The following SCP2 variants were observed in gnomAD, a reference collection of about 807,000 sequenced individuals.
The protein encoded by SCP2 is SCP-2/3-oxoacyl-CoA thiolase.
In SCP2, 48 loss-of-function variants were observed where a neutral mutation model predicts 71.4. That is an observed-to-expected ratio of 0.67 (90% CI 0.53 to 0.86). The LOEUF (loss-of-function observed/expected upper bound fraction) is 0.86, where lower values mean the gene tolerates loss of function less well. Ranked by LOEUF, SCP2 falls within the 40% of genes least tolerant of loss-of-function variation. The probability of loss-of-function intolerance (pLI) is 0.00; values close to 1 mark genes in which losing one functional copy is unlikely to be tolerated. For missense variants in SCP2, 560 were observed against 655.6 expected, an observed-to-expected ratio of 0.85 and a Z score of 1.59; for synonymous variants, 220 against 218.1, an observed-to-expected ratio of 1.01 and a Z score of -0.08.
In SCP2 at chr1:52,978,348, A is replaced by C; in HGVS notation, c.806A>C (p.Glu269Ala). The C allele has an allele frequency of 6.2e-7, 1 of 1,613,882 alleles. No homozygotes were observed. The highest frequency in any genetic ancestry group is 1.3e-5 in the African/African-American group (1 of 75,056). Residue 269 changes from glutamate to alanine, a missense_variant, in exon 9 of 16, where the codon GAA (glutamate) becomes GCA (alanine). Coordinates refer to ENST00000371514, the MANE Select transcript of SCP2 (RefSeq NM_002979.5). ...ACTGATTTGCCAAGCTCGTTTGAAG[A>C]AAAAAGCATTATTAAAATGGTATGT... Reference protein sequence around the residue: ...MMTDLPSSFEEKSIIKMVGFD... With the variant: ...MMTDLPSSFEAKSIIKMVGFD...
chr1:52,963,868 A>G (rs1034172309), intron 6 of SCP2: 1 of 152,128 alleles, frequency 6.6e-6, no homozygotes, highest in South Asian at 2.1e-4. Context: ...ATATAGCTAT[A>G]TTTAATTTTA....
At chr1:53,036,538 TATA>T (rs1403696720) in intron 13 of SCP2, among the ~76,000 whole-genome samples, 1 of 148,884 alleles carries the variant, frequency 6.7e-6, no homozygotes, top group Non-Finnish European at 1.5e-5. Context: ...TGAATATATA[TATA>T]ATAATATATA....
chr1:52,937,159 A>G (rs1428726502), intron 1 of SCP2, among the ~76,000 whole-genome samples: 1 of 152,126 alleles, frequency 6.6e-6, no homozygotes, highest in African/African-American at 2.4e-5. Context: ...CTTATAGGAG[A>G]TTATGATATG....
At chr1:52,953,530 G>A (rs1234426374) in intron 4 of SCP2, among the ~76,000 whole-genome samples, 1 of 151,984 alleles carries the variant, frequency 6.6e-6, no homozygotes, top group Non-Finnish European at 1.5e-5. Flanking sequence ...ATATTTTGTA[G>A]AGATGGGGTC....
At chr1:53,009,751 G>A in intron 11 of SCP2, among the ~76,000 whole-genome samples, 1 of 152,118 alleles carries the variant, frequency 6.6e-6, no homozygotes, top group Non-Finnish European at 1.5e-5. Flanking sequence ...CAAAAGCAAT[G>A]GCAACAAAAG....
intron 14 of SCP2, among the ~76,000 whole-genome samples, chr1:53,046,462 ATCT>A (rs1235933769): frequency 2.7e-5 from 4 of 150,784 alleles, no homozygotes; most frequent in Non-Finnish European, 4.4e-5. Context: ...CCATTTGGAG[ATCT>A]TCTTTTATAT....
At position 52,951,875 on chromosome 1, in the gene SCP2, C is replaced by A. The variant is rs1007877785; in HGVS notation, c.331+989C>A. On this transcript the variant is annotated intron_variant, in intron 4 of 15. Coordinates refer to ENST00000371514, the MANE Select transcript of SCP2 (RefSeq NM_002979.5). The stretch of plus-strand genomic sequence containing the variant: ...GGGATTACAAGTACCTACCACCATG[C>A]CTGGCTAATTTTTTTGTATTTTTAA... Among the ~76,000 whole-genome samples, 118 of 152,078 alleles carry A rather than the reference C, an allele frequency of 7.8e-4. 1 individual carries two copies. The highest frequency in any genetic ancestry group is 2.7e-3 in the African/African-American group (112 of 41,514).
Position 52,948,078 on chromosome 1 carries a change from T to C in SCP2, c.197T>C (p.Phe66Ser). ...GACCAGGCATGTGTTGGCTATGTTT[T>C]TGGTATGTATTAAACTGTGTATTCT... ...AVDQACVGYV[F>S]GDSTCGQRAI... Residue 66 changes from phenylalanine to serine, a missense_variant and splice_region_variant, in exon 3 of 16, where the codon TTT becomes TCT. Phe to Ser is a radical substitution (Grantham distance 155, BLOSUM62 -2). Around this residue, in one of 3 missense-constraint regions of SCP2, gnomAD observed 513 missense variants for 573.1 expected, o/e 0.90. Coordinates refer to ENST00000371514, the MANE Select transcript of SCP2 (RefSeq NM_002979.5). The C allele has an allele frequency of 6.2e-7, 1 of 1,602,318 alleles. No homozygotes were observed. Among genetic ancestry groups the C allele is most frequent in the Non-Finnish European group, 8.6e-7 (1 of 1,169,304 alleles).
At chr1:52,953,140 C>T (rs1336752193) in intron 4 of SCP2, among the ~76,000 whole-genome samples, 1 of 147,950 alleles carries the variant, frequency 6.8e-6, no homozygotes, top group Non-Finnish European at 1.5e-5. Flanking sequence ...TTTTTAGGGG[C>T]CCCCCTCTCT....
chr1:53,037,212 C>G (rs17107708), intron 13 of SCP2, among the ~76,000 whole-genome samples: 14,926 of 151,910 alleles, frequency 0.098, 1,442 homozygotes, highest in African/African-American at 0.22. Context: ...TCTAATTTTT[C>G]CACAGTGAAA....
At chr1:53,015,202 A>G (rs1661253960) in intron 12 of SCP2, among the ~76,000 whole-genome samples, 159 bp downstream of exon 12, 1 of 152,232 alleles carries the variant, frequency 6.6e-6, no homozygotes, top group South Asian at 2.1e-4. Flanking sequence ...AGTGGCCATC[A>G]GGTTTTAAAT....
chr1:52,970,172 A>G (rs1183461047), intron 6 of SCP2, among the ~76,000 whole-genome samples: 3 of 152,118 alleles, frequency 2.0e-5, no homozygotes. Context: ...TAATTTTATT[A>G]GTAATTTCTA....
chr1:52,956,902 C>CTTTTTTT (rs370787153), intron 5 of SCP2, among the ~76,000 whole-genome samples: 5 of 105,900 alleles, frequency 4.7e-5, no homozygotes, highest in Admixed American at 1.1e-4. Context: ...CTCCTTCTGC[C>CTTTTTTT]TTTTTTTTTT....
chr1:53,039,098 T>C, intron 14 of SCP2, 52 bp downstream of exon 14: 2 of 1,609,704 alleles, frequency 1.2e-6, no homozygotes, highest in Non-Finnish European at 8.5e-7. Context: ...TTACGAAGGC[T>C]GTCAGCTGGG....
At chr1:53,003,900 AT>A (rs1660472777) in intron 11 of SCP2, among the ~76,000 whole-genome samples, 2 of 151,992 alleles carry the variant, frequency 1.3e-5, no homozygotes, top group African/African-American at 2.4e-5. Context: ...TCAGCATGCC[AT>A]TTTTTTCCCT....
At chr1:52,966,540 GATAT>G (rs147670889) in intron 6 of SCP2, among the ~76,000 whole-genome samples, 1 of 149,532 alleles carries the variant, frequency 6.7e-6, no homozygotes, top group Non-Finnish European at 1.5e-5. Context: ...ATTTGTAAGT[GATAT>G]ATATATATAT....
rs116226965 is a variant in SCP2 at position 52,950,023 on chromosome 1, C to A, written c.200-732C>A. Among the ~76,000 whole-genome samples, 919 of 152,260 alleles carry A rather than the reference C, an allele frequency of 6.0e-3. 14 individuals are homozygous for A. Among genetic ancestry groups the A allele is most frequent in the African/African-American group, 0.021 (886 of 41,554 alleles). Reference sequence around the variant, plus strand: ...TGTTTTCCTGGAATGCCTTGGCATGCAGGGTCTTTTAAACTTTTTGAAGTT... The same window carrying A: ...TGTTTTCCTGGAATGCCTTGGCATGAAGGGTCTTTTAAACTTTTTGAAGTT... On this transcript the variant is annotated intron_variant, in intron 3 of 15. Coordinates refer to ENST00000371514, the MANE Select transcript of SCP2 (RefSeq NM_002979.5).
chr1:52,937,872 G>T (rs887643753), intron 1 of SCP2, among the ~76,000 whole-genome samples: 1 of 152,240 alleles, frequency 6.6e-6, no homozygotes, highest in African/African-American at 2.4e-5. Context: ...CAGCAGGGCT[G>T]TCGCATAGGC....
chr1:52,986,572 CAATAT>C (rs1443834966), intron 10 of SCP2, among the ~76,000 whole-genome samples: 4 of 152,104 alleles, frequency 2.6e-5, no homozygotes, highest in African/African-American at 9.7e-5. Context: ...TTTTTGAAGG[CAATAT>C]AATATATTAG....
Sources: allele counts gnomAD v4.1 joint callset (sites outside exome capture counted in the v4.1 genomes callset), GRCh38; gene constraint gnomAD v4.1.1; regional missense constraint gnomAD v4.1.1; transcripts MANE v1.5; gene names NCBI Gene and HGNC (gene_info 2026-07-23, HGNC 2026-07-21).